Variants in MALRD1 observed in about 807,000 individuals in gnomAD.
MALRD1 encodes MAM and LDL-receptor class A domain-containing protein 1.
Under a neutral mutation model 242.1 loss-of-function variants are expected in MALRD1, and 247 were observed. The observed-to-expected ratio is 1.02, with a 90% CI of 0.92 to 1.13. MALRD1 has a LOEUF of 1.13. MALRD1 is among the 50% of genes most tolerant of loss of function. The pLI is 0.00. For missense variants in MALRD1, 2,989 were observed against 2,533.1 expected, an observed-to-expected ratio of 1.18 and a Z score of -3.86; for synonymous variants, 995 against 866.6, an observed-to-expected ratio of 1.15 and a Z score of -2.60.
At chr10:19,630,030 C>T (rs1036256896) in intron 36 of MALRD1, among the ~76,000 whole-genome samples, 2 of 152,110 alleles carry the variant, frequency 1.3e-5, no homozygotes, top group African/African-American at 2.4e-5. Context: ...AATTTTGAAA[C>T]CCCCTTGGGA....
chr10:19,713,950 C>T (rs756560650), intron 38 of MALRD1, among the ~76,000 whole-genome samples: 6 of 152,086 alleles, frequency 3.9e-5, no homozygotes, highest in Admixed American at 2.6e-4. Context: ...GTCGATGCCC[C>T]GCTGCCCAAA....
intron 31 of MALRD1, among the ~76,000 whole-genome samples, chr10:19,527,819 A>G (rs964065623): frequency 5.3e-5 from 8 of 152,216 alleles, no homozygotes; most frequent in Non-Finnish European, 1.0e-4. Flanking sequence ...CTTACTGAAG[A>G]TAATGTTTTA....
chr10:19,181,925 T>A (rs1323851912), intron 14 of MALRD1, among the ~76,000 whole-genome samples: 1 of 152,156 alleles, frequency 6.6e-6, no homozygotes, highest in East Asian at 1.9e-4. Context: ...AATAGTGTTG[T>A]AATGATAACT....
intron 8 of MALRD1, among the ~76,000 whole-genome samples, chr10:19,132,550 TC>T: frequency 6.6e-6 from 1 of 152,210 alleles, no homozygotes; most frequent in South Asian, 2.1e-4. Flanking sequence ...TTTTAGAAAA[TC>T]TTGGGCATGC....
chr10:19,490,895 A>G (rs959752462), intron 29 of MALRD1, among the ~76,000 whole-genome samples: 1 of 152,196 alleles, frequency 6.6e-6, no homozygotes, highest in Non-Finnish European at 1.5e-5. Flanking sequence ...GTCAATGGAC[A>G]CTTTAATTAT....
At chr10:19,640,455 A>G (rs970503394) in intron 36 of MALRD1, among the ~76,000 whole-genome samples, 2 of 152,120 alleles carry the variant, frequency 1.3e-5, no homozygotes, top group Non-Finnish European at 2.9e-5. Flanking sequence ...AGGCAGTTTC[A>G]TTCCTGGAAA....
At chr10:19,602,483 A>G (rs1838406214) in intron 34 of MALRD1, among the ~76,000 whole-genome samples, 1 of 151,384 alleles carries the variant, frequency 6.6e-6, no homozygotes, top group Admixed American at 6.6e-5. Flanking sequence ...GCTGAGAATG[A>G]TGATTTCCAG....
chr10:19,498,710 T>C lies in MALRD1; in HGVS notation c.5320+64T>C, dbSNP rs185630336. The C allele has an allele frequency of 8.0e-4, 1,199 of 1,492,624 alleles. 7 individuals carry two copies. The highest frequency in any genetic ancestry group is 2.4e-4 in the Non-Finnish European group (263 of 1,113,970). 92.5% of individuals were successfully genotyped at this position (1,492,624 alleles called of 1,614,324 possible). On this transcript the variant is annotated intron_variant, in intron 31 of 39. Coordinates refer to ENST00000454679, the MANE Select transcript of MALRD1 (RefSeq NM_001142308.3). ...CATCTTAAAGTCTGCTTTAACAATT[T>C]GTGTGAATTTCAGTGTGCATTTCTT...
At chr10:19,247,806 T>G (rs1316297661) in intron 18 of MALRD1, among the ~76,000 whole-genome samples, 2 of 152,074 alleles carry the variant, frequency 1.3e-5, no homozygotes, top group Non-Finnish European at 2.9e-5. Flanking sequence ...CAAAATGTTA[T>G]TAACAGCATT....
At chr10:19,334,291 T>G (rs1843513930) in intron 24 of MALRD1, among the ~76,000 whole-genome samples, 1 of 151,952 alleles carries the variant, frequency 6.6e-6, no homozygotes, top group Admixed American at 6.6e-5. Context: ...TTTTATAGTT[T>G]TAGGTCTTGC....
intron 33 of MALRD1, among the ~76,000 whole-genome samples, chr10:19,574,020 C>G (rs1589255068): frequency 6.6e-6 from 1 of 152,088 alleles, no homozygotes; most frequent in East Asian, 1.9e-4. Context: ...TTTGTCTTGA[C>G]TTGATAAATA....
At chr10:19,182,806 T>C (rs1835568481) in intron 14 of MALRD1, among the ~76,000 whole-genome samples, 1 of 152,166 alleles carries the variant, frequency 6.6e-6, no homozygotes, top group Admixed American at 6.5e-5. Context: ...ACGATGCCCT[T>C]AGTCTCTAAT....
intron 12 of MALRD1, among the ~76,000 whole-genome samples, chr10:19,162,879 C>T (rs1003461804): frequency 1.3e-5 from 2 of 151,826 alleles, no homozygotes; most frequent in Admixed American, 1.3e-4. Flanking sequence ...CGCCTGTAAT[C>T]CCAGTACTTT....
chr10:19,136,736 C>A lies in MALRD1; in HGVS notation c.1366C>A (p.Arg456=). The A allele has an allele frequency of 8.1e-7, 1 of 1,231,622 alleles. No homozygotes were observed. The highest frequency in any genetic ancestry group is 1.0e-6 in the Non-Finnish European group (1 of 987,958). The allele number at this position is 1,231,622 out of a possible 1,614,324, so 76.3% of individuals were successfully genotyped here. ...CIAKESVCDS[R]QDCSDESDED... The stretch of plus-strand genomic sequence containing the variant: ...CGCCAAAGAATCTGTCTGTGACTCT[C>A]GGCAGGACTGCTCCGATGAGAGTGA... The change falls in exon 10 of 40, where the codon CGG becomes AGG. Residue 456 remains arginine (R), a synonymous_variant. Coordinates refer to ENST00000454679, the MANE Select transcript of MALRD1 (RefSeq NM_001142308.3).
intron 36 of MALRD1, among the ~76,000 whole-genome samples, chr10:19,620,748 G>A (rs1330285121): frequency 6.6e-6 from 1 of 151,840 alleles, no homozygotes; most frequent in African/African-American, 2.4e-5. Flanking sequence ...TTCAATATGT[G>A]CTCACAAAAT....
At chr10:19,561,117 T>C (rs1835944985) in intron 32 of MALRD1, among the ~76,000 whole-genome samples, 1 of 152,158 alleles carries the variant, frequency 6.6e-6, no homozygotes, top group East Asian at 1.9e-4. Context: ...TGTAGTATAA[T>C]ATCAAACAGG....
At chr10:19,368,156 T>G (rs1424809605) in intron 26 of MALRD1, among the ~76,000 whole-genome samples, 2 of 152,100 alleles carry the variant, frequency 1.3e-5, no homozygotes, top group African/African-American at 4.8e-5. Flanking sequence ...TTGTTTGTTT[T>G]TTGCCTGTGC....
At chr10:19,486,864 G>A (rs1837258587) in intron 29 of MALRD1, among the ~76,000 whole-genome samples, 1 of 152,082 alleles carries the variant, frequency 6.6e-6, no homozygotes. Flanking sequence ...AATGAAACTA[G>A]TTTTCAATTG....
rs566767359 is a variant in MALRD1 at position 19,422,774 on chromosome 10, T to C, written c.4846-27533T>C. Among the ~76,000 whole-genome samples, 10 of 152,318 alleles carry C rather than the reference T, an allele frequency of 6.6e-5. No individual in the cohort carries two copies. The South Asian group carries it at 1.9e-3, about 28-fold the overall frequency. On this transcript the variant is annotated intron_variant, in intron 28 of 39. Transcript: ENST00000454679. The stretch of plus-strand genomic sequence containing the variant: ...ATTTCCCCCTCAATGGGGAAAGTTT[T>C]TGAAGCCTCACTAATTAGGCTGGAA...
Sources: gnomAD v4.1 joint callset for allele counts (sites outside exome capture counted in the v4.1 genomes callset) on GRCh38, gnomAD v4.1.1 for gene constraint, MANE v1.5 for transcripts, NCBI Gene and HGNC (gene_info 2026-07-23, HGNC 2026-07-21) for gene names.